The following DNASE1L2 variants were observed in gnomAD, a reference collection of about 807,000 sequenced individuals.
DNASE1L2 encodes deoxyribonuclease 1 like 2.
DNASE1L2 carries 35 observed loss-of-function variants against 31.8 expected under a neutral mutation model. The observed-to-expected ratio is 1.10, with a 90% confidence interval of 0.84 to 1.46. The LOEUF is 1.46. Among genes scored for constraint, DNASE1L2 ranks in the 40% most tolerant of loss-of-function variants. The pLI is 0.00. For synonymous variants in DNASE1L2, 211 were observed against 186.5 expected (o/e 1.13, Z -1.07); for missense variants, 504 against 418.8 (o/e 1.20, Z -1.77).
chr16:2,238,640 A>G lies in DNASE1L2; in HGVS notation c.*222A>G. ...GACCTCATGGGGTGTTGTGAGCCCC[A>G]TGAGGGGTGCAGGGGGCACTGCCCG... On this transcript the variant is annotated 3_prime_UTR_variant, in exon 7 of 7. Coordinates refer to ENST00000320700, the MANE Select transcript of DNASE1L2 (RefSeq NM_001374.3). 1 of 608,916 alleles carries G rather than the reference A, an allele frequency of 1.6e-6. No individual in the cohort carries two copies. The highest frequency in any genetic ancestry group is 2.7e-5 in the Admixed American group (1 of 37,176). The allele number at this position is 608,916 out of a possible 1,614,324, so 37.7% of individuals were successfully genotyped here.
chr16:2,237,160 C>T (rs1403086926), intron 3 of DNASE1L2, 34 bp downstream of exon 3: 3 of 1,548,464 alleles, frequency 1.9e-6, no homozygotes, highest in African/African-American at 2.7e-5. Context: ...CGCGACCCCC[C>T]GCCGGGATCT....
At position 2,237,199 on chromosome 16, in the gene DNASE1L2, C is replaced by A. The variant is rs747947725; in HGVS notation, c.234-19C>A. ...CCCGGCGCGGCGCCCCGACCCTGAG[C>A]GGGCCCCTGTCTCCGCAGCGTGTCC... On this transcript the variant is annotated intron_variant, in intron 3 of 6. Coordinates refer to ENST00000320700, the MANE Select transcript of DNASE1L2 (RefSeq NM_001374.3). 5.8e-6 allele frequency: 9 copies of A among 1,558,096 alleles called. No homozygotes were observed. In the Admixed American group the frequency reaches 5.8e-5, roughly 10 times the overall value.
chr16:2,237,221 G>A lies in DNASE1L2; in HGVS notation c.237G>A (p.Val79=), dbSNP rs763002929. Reference sequence around the variant, plus strand: ...GAGCGGGCCCCTGTCTCCGCAGCGTGTCCGAGCACGAGTACAGCTTTGTGA... The same window carrying A: ...GAGCGGGCCCCTGTCTCCGCAGCGTATCCGAGCACGAGTACAGCTTTGTGA... The part of the protein sequence containing the change: ...VSALMEQINS[V]SEHEYSFVSS... Residue 79 remains valine, a synonymous_variant, in exon 4 of 7, where the codon GTG becomes GTA. Coordinates refer to ENST00000320700, the MANE Select transcript of DNASE1L2 (RefSeq NM_001374.3). The A allele has an allele frequency of 3.2e-6, 5 of 1,573,204 alleles. No homozygotes were observed. Among genetic ancestry groups the A allele is most frequent in the Middle Eastern group, 3.3e-4 (2 of 5,990 alleles).
At chr16:2,238,164 G>A in intron 6 of DNASE1L2, 146 bp downstream of exon 6, 1 of 1,426,214 alleles carries the variant, frequency 7.0e-7, no homozygotes, top group Non-Finnish European at 9.3e-7. Context: ...GGAGAGCCCG[G>A]CCCACCCCAT....
Sources: allele counts gnomAD v4.1 joint callset, GRCh38; gene constraint gnomAD v4.1.1; transcripts MANE v1.5; gene names NCBI Gene and HGNC (gene_info 2026-07-23, HGNC 2026-07-21).